Variants in MAP2K5 observed in about 807,000 individuals in gnomAD.
MAP2K5 encodes the protein dual specificity mitogen-activated protein kinase kinase 5.
MAP2K5 carries 49 observed loss-of-function variants against 83.1 expected under a neutral mutation model. The observed-to-expected ratio is 0.59, with a 90% CI of 0.47 to 0.75. MAP2K5 has a LOEUF of 0.75. Among genes scored for constraint, MAP2K5 ranks in the 30% least tolerant of loss-of-function variants. The pLI is 0.00. For missense variants in MAP2K5, 457 were observed against 557.5 expected (o/e 0.82, Z 1.82); for synonymous variants, 202 against 191.8 (o/e 1.05, Z -0.44).
chr15:67,762,582 A>T (rs2089969716), intron 19 of MAP2K5, among the ~76,000 whole-genome samples: 1 of 143,756 alleles, frequency 7.0e-6, no homozygotes, highest in African/African-American at 2.6e-5. Flanking sequence ...AAAAAAAAAA[A>T]CAAGCAGACT....
intron 16 of MAP2K5, among the ~76,000 whole-genome samples, chr15:67,705,524 C>T (rs973531900): frequency 1.3e-5 from 2 of 152,100 alleles, no homozygotes; most frequent in South Asian, 4.1e-4. Flanking sequence ...CACCTGAAGT[C>T]AGGAGTTCGA....
chr15:67,706,726 C>T (rs2088563584), intron 16 of MAP2K5, among the ~76,000 whole-genome samples: 2 of 152,124 alleles, frequency 1.3e-5, no homozygotes, highest in Admixed American at 1.3e-4. Context: ...CAACATGTTA[C>T]CAACACAAGT....
intron 4 of MAP2K5, among the ~76,000 whole-genome samples, chr15:67,582,931 GTTTGT>G (rs1175486104): frequency 6.6e-6 from 1 of 151,816 alleles, no homozygotes; most frequent in Admixed American, 6.6e-5. Flanking sequence ...TTCAAGTTTT[GTTTGT>G]TTTCTTTCCT....
intron 19 of MAP2K5, among the ~76,000 whole-genome samples, chr15:67,756,245 A>T (rs1195537376): frequency 6.6e-6 from 1 of 152,236 alleles, no homozygotes; most frequent in African/African-American, 2.4e-5. Flanking sequence ...CTATATGGCA[A>T]CATTTTCTCT....
intron 17 of MAP2K5, among the ~76,000 whole-genome samples, chr15:67,737,782 A>G (rs1342390089): frequency 1.3e-5 from 2 of 150,872 alleles, no homozygotes; most frequent in Non-Finnish European, 3.0e-5. Flanking sequence ...TGCACCCATC[A>G]ATGTCTGCAG....
Position 67,627,981 on chromosome 15 carries a change from G to A in MAP2K5, c.546-2907G>A, listed in dbSNP as rs1357914152. On this transcript the variant is annotated intron_variant, in intron 8 of 21. Coordinates refer to ENST00000178640, the MANE Select transcript of MAP2K5 (RefSeq NM_145160.3). ...CAATGGGGAACACTCACAGACTGTG[G>A]TAATGAGAGATCCAAGCACCAAGTG... The A allele has an allele frequency of 5.3e-6, 4 of 757,186 alleles. No individual in the cohort carries two copies. In the African/African-American group the frequency reaches 6.9e-5, roughly 13 times the overall value. 46.9% of individuals were successfully genotyped at this position (757,186 alleles called of 1,614,324 possible).
At chr15:67,732,529 A>G (rs1183455964) in intron 17 of MAP2K5, among the ~76,000 whole-genome samples, 1 of 152,210 alleles carries the variant, frequency 6.6e-6, no homozygotes, top group Non-Finnish European at 1.5e-5. Context: ...CTTGGTTAAT[A>G]AATTACATCA....
At chr15:67,614,027 A>G (rs1299236372) in intron 8 of MAP2K5, among the ~76,000 whole-genome samples, 2 of 152,166 alleles carry the variant, frequency 1.3e-5, no homozygotes, top group Non-Finnish European at 2.9e-5. Context: ...AACACTGACC[A>G]TATCCAGAGA....
chr15:67,642,309 G>C, intron 9 of MAP2K5: 1 of 693,764 alleles, frequency 1.4e-6, no homozygotes, highest in Non-Finnish European at 2.4e-6. Context: ...GCACTACTGT[G>C]AGTTAGACCC....
intron 13 of MAP2K5, among the ~76,000 whole-genome samples, chr15:67,680,468 A>G (rs1354095856): frequency 6.6e-6 from 1 of 152,230 alleles, no homozygotes; most frequent in Non-Finnish European, 1.5e-5. Flanking sequence ...TAATGAACCA[A>G]TGTTTCATAC....
At chr15:67,688,840 T>A (rs16951125) in intron 13 of MAP2K5, among the ~76,000 whole-genome samples, 12,907 of 152,224 alleles carry the variant, frequency 0.085, 733 homozygotes, top group Admixed American at 0.12. Flanking sequence ...CCAGGTCATA[T>A]GTCTCCTAGC....
chr15:67,745,591 A>C (rs2089588534), intron 17 of MAP2K5, among the ~76,000 whole-genome samples: 1 of 152,248 alleles, frequency 6.6e-6, no homozygotes, highest in Non-Finnish European at 1.5e-5. Flanking sequence ...AGTACATGGC[A>C]GTTCAGAATT....
intron 19 of MAP2K5, among the ~76,000 whole-genome samples, chr15:67,754,835 T>C (rs563762459): frequency 9.2e-5 from 14 of 152,302 alleles, no homozygotes; most frequent in Non-Finnish European, 1.8e-4. Context: ...CCAAAAAGCG[T>C]AGGTGTTACC....
intron 5 of MAP2K5, among the ~76,000 whole-genome samples, chr15:67,586,456 T>G (rs1463790290): frequency 6.6e-6 from 1 of 152,220 alleles, no homozygotes; most frequent in Non-Finnish European, 1.5e-5. Flanking sequence ...ATAAGAAACA[T>G]TCTACATACA....
chr15:67,590,519 A>T (rs185727253), intron 6 of MAP2K5, among the ~76,000 whole-genome samples: 134 of 128,892 alleles, frequency 1.0e-3, no homozygotes, highest in Non-Finnish European at 1.1e-3. Context: ...TCACCCCCCC[A>T]TTCTGGAGTG....
intron 14 of MAP2K5, among the ~76,000 whole-genome samples, chr15:67,693,175 T>G (rs2088159643): frequency 6.6e-6 from 1 of 152,226 alleles, no homozygotes; most frequent in Non-Finnish European, 1.5e-5. Context: ...ATTCACATCT[T>G]GAGCCATCTG....
At chr15:67,580,882 G>A (rs1378798829) in intron 4 of MAP2K5, 59 bp downstream of exon 4, 1 of 1,146,362 alleles carries the variant, frequency 8.7e-7, no homozygotes, top group Non-Finnish European at 1.3e-6. Context: ...TTCATCAACA[G>A]TTATGTTTCC....
chr15:67,650,759 C>A (rs992619121), intron 11 of MAP2K5, among the ~76,000 whole-genome samples: 1 of 151,846 alleles, frequency 6.6e-6, no homozygotes, highest in Admixed American at 6.6e-5. Flanking sequence ...TTTTTGTATT[C>A]ATATTTATGA....
chr15:67,687,973 A>G (rs2087998434), intron 13 of MAP2K5, among the ~76,000 whole-genome samples: 1 of 152,164 alleles, frequency 6.6e-6, no homozygotes, highest in South Asian at 2.1e-4. Context: ...AAGAAAAGGG[A>G]AAGGAAGTAT....
Sources: gnomAD v4.1 joint callset for allele counts (sites outside exome capture counted in the v4.1 genomes callset) on GRCh38, gnomAD v4.1.1 for gene constraint, MANE v1.5 for transcripts, NCBI Gene and HGNC (gene_info 2026-07-23, HGNC 2026-07-21) for gene names.